Variants in PIP5KL1 observed in about 807,000 individuals in gnomAD.
PIP5KL1 encodes phosphatidylinositol-4-phosphate 5-kinase like 1, also known as phosphatidylinositol 4-phosphate 5-kinase-like protein 1.
PIP5KL1 carries 45 observed loss-of-function variants against 47.6 expected under a neutral mutation model. That is an observed-to-expected ratio of 0.94 (90% CI 0.74 to 1.21). The LOEUF is 1.21. Ranked by LOEUF, PIP5KL1 falls within the 50% of genes most tolerant of loss-of-function variation. The pLI is 0.00. For missense variants in PIP5KL1, 577 were observed against 547.6 expected, an observed-to-expected ratio of 1.05 and a Z score of -0.54; for synonymous variants, 256 against 234.6, an observed-to-expected ratio of 1.09 and a Z score of -0.84.
Position 127,929,813 on chromosome 9 carries a change from G to A in PIP5KL1, c.103C>T (p.Arg35Ter), listed in dbSNP as rs750496758. ...SSRRGLLWRL[R>*]DKQSRLGLFE... ...AGGCCCAGGCGAGACTGCTTGTCTC[G>A]GAGGCGCCAGAGAAGCCCCCGCCGG... is the stretch of plus-strand genomic sequence containing the variant. Residue 35 changes from arginine (R) to a stop codon, truncating the protein, a stop_gained, in exon 2 of 10, where the codon CGA becomes TGA. Transcript: ENST00000388747. LOFTEE classifies it high-confidence loss of function. This position sits in a 1 kb window ranked among gnomAD's most constrained non-coding sequence, Gnocchi z 4.0. 4 of 1,550,964 alleles carry A rather than the reference G, an allele frequency of 2.6e-6. No individual in the cohort carries two copies. The highest frequency in any genetic ancestry group is 4.9e-5 in the East Asian group (2 of 41,056).
In PIP5KL1 at chr9:127,928,416, G is replaced by T; in HGVS notation, c.279+17C>A. On this transcript the variant is annotated intron_variant, in intron 3 of 9. Coordinates refer to ENST00000388747, the MANE Select transcript of PIP5KL1 (RefSeq NM_001135219.2). ...ACCAGCACACGTCCCTCCCACACGGGAGTCTGGGCCTCCTACCTCGTGAAC... is the reference window on the plus strand; with the variant it reads ...ACCAGCACACGTCCCTCCCACACGGTAGTCTGGGCCTCCTACCTCGTGAAC... The T allele has an allele frequency of 1.3e-6, 2 of 1,594,622 alleles. No homozygotes were observed. Among genetic ancestry groups the T allele is most frequent in the Admixed American group, 1.7e-5 (1 of 57,724 alleles).
At chr9:127,925,504 C>T (rs1007434668) in intron 8 of PIP5KL1, 22 of 511,138 alleles carry the variant, frequency 4.3e-5, no homozygotes, top group Non-Finnish European at 6.9e-5. Context: ...CTTGCTCTGT[C>T]GCACAGGCTG....
chr9:127,925,102 C>G lies in PIP5KL1; in HGVS notation c.917+5G>C. ...ATCTCGCTGTTGCCCCTGTGGGAGG[C>G]TCACCTGGCCGTGCGGAAGATGAGG... is the stretch of plus-strand genomic sequence containing the variant. On this transcript the variant is annotated splice_donor_5th_base_variant and intron_variant, in intron 9 of 9. Transcript: ENST00000388747. 6.2e-7 allele frequency: 1 copy of G among 1,613,918 alleles called. No homozygotes were observed. The highest frequency in any genetic ancestry group is 8.5e-7 in the Non-Finnish European group (1 of 1,179,858).
At chr9:127,924,923 C>T (rs1050099787) in intron 9 of PIP5KL1, among the ~76,000 whole-genome samples, 184 bp downstream of exon 9, 6 of 151,966 alleles carry the variant, frequency 3.9e-5, no homozygotes, top group Admixed American at 3.3e-4. Context: ...CACGCACACA[C>T]ACGCATGCAT....
At position 127,928,136 on chromosome 9, in the gene PIP5KL1, A is replaced by T; in HGVS notation, c.363T>A (p.Ala121=). 2 of 1,546,366 alleles carry T rather than the reference A, an allele frequency of 1.3e-6. No homozygotes were observed. The highest frequency in any genetic ancestry group is 1.7e-6 in the Non-Finnish European group (2 of 1,146,884). The change falls in exon 4 of 10, where the codon GCT becomes GCA. Residue 121 remains alanine (A), a synonymous_variant. Coordinates refer to ENST00000388747, the MANE Select transcript of PIP5KL1 (RefSeq NM_001135219.2). ...GGTAGGGGCCGCCGGGGCCCAGGGCAGCCTGATAGTCCTCCTCCGCCAGGC... is the reference window on the plus strand; with the variant it reads ...GGTAGGGGCCGCCGGGGCCCAGGGCTGCCTGATAGTCCTCCTCCGCCAGGC... ...SLGLAEEDYQ[A]ALGPGGPYLQ...
intron 8 of PIP5KL1, 134 bp downstream of exon 8, chr9:127,925,733 G>T: frequency 1.3e-6 from 1 of 747,676 alleles, no homozygotes; most frequent in Non-Finnish European, 2.3e-6. Flanking sequence ...CAAAGTGCTG[G>T]AATTACAGGC....
rs995033207 is a variant in PIP5KL1 at position 127,929,676 on chromosome 9, T to A, written c.228+12A>T. The A allele has an allele frequency of 6.5e-7, 1 of 1,544,800 alleles. No individual in the cohort carries two copies. Among genetic ancestry groups the A allele is most frequent in the Admixed American group, 1.9e-5 (1 of 51,874 alleles). ...CTGGTGTGGAGATTCGTGGGACAGA[T>A]GGGCCACTCACCGTGGGTGGGTGGT... On this transcript the variant is annotated intron_variant, in intron 2 of 9. Transcript: ENST00000388747. The surrounding 1 kb of genome is among the most constrained non-coding windows in gnomAD (Gnocchi z 4.0).
chr9:127,925,718 C>A, intron 8 of PIP5KL1, 149 bp downstream of exon 8: 2 of 681,946 alleles, frequency 2.9e-6, no homozygotes, highest in Non-Finnish European at 5.2e-6. Flanking sequence ...CCTGTCTCGG[C>A]CTCCCAAAGT....
Position 127,929,546 on chromosome 9 carries a change from C to T in PIP5KL1, c.228+142G>A. ...CGCACCCCAGACGTTCCAGCTCCCA[C>T]ACCACAATGTTCCTCCCTCTCTGCC... On this transcript the variant is annotated intron_variant, in intron 2 of 9. Coordinates refer to ENST00000388747, the MANE Select transcript of PIP5KL1 (RefSeq NM_001135219.2). The surrounding 1 kb of genome is among the most constrained non-coding windows in gnomAD (Gnocchi z 4.0). 1 of 928,610 alleles carries T rather than the reference C, an allele frequency of 1.1e-6. No individual in the cohort carries two copies. Among genetic ancestry groups the T allele is most frequent in the Non-Finnish European group, 1.6e-6 (1 of 637,518 alleles). 57.5% of individuals were successfully genotyped at this position (928,610 alleles called of 1,614,324 possible).
chr9:127,927,775 G>T lies in PIP5KL1; in HGVS notation c.435-3C>A, dbSNP rs1158709509. ...TCAGGAAGAAGCGCTGGTCGTGGCT[G>T]GGGGGCAAGAGAAAGAGGTCACTGC... On this transcript the variant is annotated splice_region_variant and splice_polypyrimidine_tract_variant and intron_variant, in intron 4 of 9. Coordinates refer to ENST00000388747, the MANE Select transcript of PIP5KL1 (RefSeq NM_001135219.2). The surrounding 1 kb of genome is among the most constrained non-coding windows in gnomAD (Gnocchi z 5.5). 2.6e-6 allele frequency: 4 copies of T among 1,560,090 alleles called. No individual in the cohort carries two copies. The highest frequency in any genetic ancestry group is 2.4e-5 in the South Asian group (2 of 84,678).
chr9:127,925,695 A>T lies in PIP5KL1; in HGVS notation c.763+172T>A, dbSNP rs537818410. ...TGGCCAGGCTGGTCTTGAACTCCTG[A>T]CCTCGTAATCCACCTGTCTCGGCCT... On this transcript the variant is annotated intron_variant, in intron 8 of 9. Transcript: ENST00000388747. The T allele has an allele frequency of 2.3e-5, 14 of 620,006 alleles. No homozygotes were observed. In the East Asian group the frequency reaches 4.0e-4, roughly 18 times the overall value. The allele number at this position is 620,006 out of a possible 1,614,324, so 38.4% of individuals were successfully genotyped here.
chr9:127,930,756 C>A lies in PIP5KL1; in HGVS notation c.-4G>T. The A allele has an allele frequency of 1.3e-6, 2 of 1,549,884 alleles. No individual in the cohort carries two copies. Among genetic ancestry groups the A allele is most frequent in the South Asian group, 2.4e-5 (2 of 83,290 alleles). ...GCCCCGGGCTCGGCGCAGCCATCGCCCCCGCAGCAGCTTCCCGGGCTTTGG... is the reference window on the plus strand; with the variant it reads ...GCCCCGGGCTCGGCGCAGCCATCGCACCCGCAGCAGCTTCCCGGGCTTTGG... On this transcript the variant is annotated 5_prime_UTR_variant, in exon 1 of 10. Transcript: ENST00000388747.
At position 127,929,780 on chromosome 9, in the gene PIP5KL1, T is replaced by C. The variant is rs775440309; in HGVS notation, c.136A>G (p.Ile46Val). ...CCATGCAGTTCATGCCCCGGGCTGA[T>C]CTCAAACAGGCCCAGGCGAGACTGC... ...DKQSRLGLFE[I>V]SPGHELHGMT... Residue 46 changes from isoleucine to valine, a missense_variant, in exon 2 of 10, where the codon ATC (isoleucine) becomes GTC (valine). Transcript: ENST00000388747. This position sits in a 1 kb window ranked among gnomAD's most constrained non-coding sequence, Gnocchi z 4.0. The C allele has an allele frequency of 6.4e-7, 1 of 1,561,436 alleles. No individual in the cohort carries two copies.
In PIP5KL1 at chr9:127,927,933, T is replaced by C; in HGVS notation, c.434+132A>G. The C allele has an allele frequency of 6.9e-7, 1 of 1,452,438 alleles. No individual in the cohort carries two copies. The highest frequency in any genetic ancestry group is 9.2e-7 in the Non-Finnish European group (1 of 1,092,756). 90.0% of individuals were successfully genotyped at this position (1,452,438 alleles called of 1,614,324 possible). A position where few individuals can be genotyped will look rare whatever the true frequency, so the allele number is the denominator to read the frequency against. Reference sequence around the variant, plus strand: ...CCTCTCCTCCCCGATCTGTCCACCATCCGGCCCTGACCCTCCCAGATTAGG... The same window carrying C: ...CCTCTCCTCCCCGATCTGTCCACCACCCGGCCCTGACCCTCCCAGATTAGG... On this transcript the variant is annotated intron_variant, in intron 4 of 9. Coordinates refer to ENST00000388747, the MANE Select transcript of PIP5KL1 (RefSeq NM_001135219.2). This position sits in a 1 kb window ranked among gnomAD's most constrained non-coding sequence, Gnocchi z 5.5.
chr9:127,927,228 G>C lies in PIP5KL1; in HGVS notation c.595-20C>G. 1 of 1,612,916 alleles carries C rather than the reference G, an allele frequency of 6.2e-7. No individual in the cohort carries two copies. Among genetic ancestry groups the C allele is most frequent in the Non-Finnish European group, 8.5e-7 (1 of 1,179,776 alleles). The stretch of plus-strand genomic sequence containing the variant: ...GTACGTCTGGGGGCCGGGACAGGGA[G>C]TGAGGGAGGCCGGCTGTCGCCCTCC... On this transcript the variant is annotated intron_variant, in intron 6 of 9. Transcript: ENST00000388747. The surrounding 1 kb of genome is among the most constrained non-coding windows in gnomAD (Gnocchi z 5.5).
In PIP5KL1 at chr9:127,925,218, G is replaced by A. The variant is rs1274689531; in HGVS notation, c.806C>T (p.Thr269Ile). The A allele has an allele frequency of 6.2e-7, 1 of 1,613,930 alleles. No homozygotes were observed. Among genetic ancestry groups the A allele is most frequent in the Admixed American group, 1.7e-5 (1 of 60,030 alleles). ...CACGTTGAGCTCCCGGAGGAAGGTG[G>A]TATCCAGTTCCATCTGGCGGAGGAA... ...SWFLRQMELD[T>I]TFLRELNVLD... is the part of the protein sequence containing the mutation. The change falls in exon 9 of 10, where the codon ACC (threonine) becomes ATC (isoleucine). Residue 269 changes from threonine (T) to isoleucine (I), a missense_variant. Coordinates refer to ENST00000388747, the MANE Select transcript of PIP5KL1 (RefSeq NM_001135219.2).
intron 9 of PIP5KL1, among the ~76,000 whole-genome samples, chr9:127,922,692 C>T (rs1223819445): frequency 2.7e-4 from 2 of 7,498 alleles, no homozygotes; most frequent in African/African-American, 5.1e-4. Context: ...GAGACTCTGT[C>T]TCAAAAAAAA....
intron 1 of PIP5KL1, among the ~76,000 whole-genome samples, chr9:127,930,102 G>C (rs1831416372): frequency 6.6e-6 from 1 of 152,230 alleles, no homozygotes; most frequent in Non-Finnish European, 1.5e-5. Flanking sequence ...ATGATTATCA[G>C]TAGATAGGGC....
intron 9 of PIP5KL1, among the ~76,000 whole-genome samples, chr9:127,924,188 G>A (rs1588683231): frequency 1.3e-5 from 2 of 152,208 alleles, no homozygotes; most frequent in African/African-American, 2.4e-5. Flanking sequence ...TCAACATGGC[G>A]AAACCCCATC....
Sources: gnomAD v4.1 joint callset for allele counts (sites outside exome capture counted in the v4.1 genomes callset) on GRCh38, gnomAD v4.1.1 for gene constraint, Gnocchi (gnomAD v3.1) non-coding constraint, MANE v1.5 for transcripts, NCBI Gene and HGNC (gene_info 2026-07-23, HGNC 2026-07-21) for gene names.